The following ZFAND3 variants were observed in gnomAD, a reference collection of about 807,000 sequenced individuals.
ZFAND3 encodes the protein AN1-type zinc finger protein 3.
Under a neutral mutation model 29.6 loss-of-function variants are expected in ZFAND3, and 10 were observed. The ratio of observed to expected loss-of-function variants is 0.34; its 90% CI spans 0.21 to 0.57. The LOEUF (loss-of-function observed/expected upper bound fraction) is 0.57, where lower values mean the gene tolerates loss of function less well. Among genes scored for constraint, ZFAND3 ranks in the 20% least tolerant of loss-of-function variants. The probability of loss-of-function intolerance (pLI) is 0.86; values close to 1 mark genes in which losing one functional copy is unlikely to be tolerated. For missense variants in ZFAND3, 230 were observed against 304.5 expected, an observed-to-expected ratio of 0.76 and a Z score of 1.82; for synonymous variants, 128 against 112.6, an observed-to-expected ratio of 1.14 and a Z score of -0.87.
At chr6:38,033,819 C>T (rs1763608660) in intron 2 of ZFAND3, among the ~76,000 whole-genome samples, 1 of 152,150 alleles carries the variant, frequency 6.6e-6, no homozygotes, top group Non-Finnish European at 1.5e-5. Context: ...CAGTCAATCA[C>T]AGGGTATCTC....
At position 37,942,623 on chromosome 6, in the gene ZFAND3, A is replaced by G. The variant is rs952939162; in HGVS notation, c.112+12624A>G. Among the ~76,000 whole-genome samples the G allele has an allele frequency of 3.3e-5, 5 of 152,172 alleles. No individual in the cohort carries two copies. The East Asian group carries it at 9.6e-4, about 29-fold the overall frequency. On this transcript the variant is annotated intron_variant, in intron 2 of 5. Transcript: ENST00000287218. ...ATGAAGGTGAATGTAAGCTTCTACAATCTTGTGGGAATATTATTTTCAGAT... is the reference window on the plus strand; with the variant it reads ...ATGAAGGTGAATGTAAGCTTCTACAGTCTTGTGGGAATATTATTTTCAGAT...
At chr6:38,128,402 G>A (rs1313701612) in intron 5 of ZFAND3, among the ~76,000 whole-genome samples, 1 of 152,128 alleles carries the variant, frequency 6.6e-6, no homozygotes, top group African/African-American at 2.4e-5. Context: ...ATTCTTTAGT[G>A]GTAATTTGTG....
intron 1 of ZFAND3, among the ~76,000 whole-genome samples, chr6:37,876,620 C>T (rs1764797007): frequency 6.6e-6 from 1 of 152,140 alleles, no homozygotes; most frequent in Admixed American, 6.5e-5. Context: ...TTAATTTTAT[C>T]TCTGGTCAGT....
chr6:37,900,650 C>T (rs886445363), intron 1 of ZFAND3, among the ~76,000 whole-genome samples: 1 of 152,070 alleles, frequency 6.6e-6, no homozygotes, highest in African/African-American at 2.4e-5. Flanking sequence ...GTTATTAACT[C>T]ATTCAACAAA....
chr6:37,851,051 T>C (rs1764270801), intron 1 of ZFAND3, among the ~76,000 whole-genome samples: 1 of 151,838 alleles, frequency 6.6e-6, no homozygotes, highest in African/African-American at 2.4e-5. Flanking sequence ...CCTCTTTTTT[T>C]TTTTTTTCTT....
chr6:37,901,600 A>G (rs1299071853), intron 1 of ZFAND3, among the ~76,000 whole-genome samples: 1 of 152,182 alleles, frequency 6.6e-6, no homozygotes, highest in East Asian at 1.9e-4. Context: ...CCTGGGTGAC[A>G]GAGTGAGACC....
chr6:37,835,424 T>C (rs1375441023), intron 1 of ZFAND3, among the ~76,000 whole-genome samples: 1 of 151,742 alleles, frequency 6.6e-6, no homozygotes, highest in East Asian at 1.9e-4. Flanking sequence ...CCCAAAGTGC[T>C]GGGATTACAG....
intron 1 of ZFAND3, among the ~76,000 whole-genome samples, chr6:37,895,556 C>T (rs1765188902): frequency 7.3e-6 from 1 of 137,894 alleles, no homozygotes; most frequent in African/African-American, 2.8e-5. Context: ...CATGAACATA[C>T]GGAATACAGT....
chr6:37,880,261 A>T (rs1445927136), intron 1 of ZFAND3, among the ~76,000 whole-genome samples: 2 of 152,238 alleles, frequency 1.3e-5, no homozygotes, highest in African/African-American at 4.8e-5. Flanking sequence ...GCATGGTGTC[A>T]ACCAGTGCTT....
At chr6:37,912,719 G>T (rs906688632) in intron 1 of ZFAND3, among the ~76,000 whole-genome samples, 1 of 152,052 alleles carries the variant, frequency 6.6e-6, no homozygotes, top group Admixed American at 6.5e-5. Context: ...CATATGATAG[G>T]GATATCAGAA....
chr6:37,977,867 C>CCTTCCTTT, intron 2 of ZFAND3, among the ~76,000 whole-genome samples: 1 of 134,260 alleles, frequency 7.4e-6, no homozygotes. Flanking sequence ...TTCCTTCCTT[C>CCTTCCTTT]CTTTCCTTCT....
chr6:37,976,596 A>AAG (rs2127430573), intron 2 of ZFAND3, among the ~76,000 whole-genome samples: 1 of 151,704 alleles, frequency 6.6e-6, no homozygotes, highest in East Asian at 1.9e-4. Flanking sequence ...AAAAAAAAAA[A>AAG]AAAAAAAAAA....
intron 2 of ZFAND3, among the ~76,000 whole-genome samples, chr6:38,009,940 A>C (rs1381687300): frequency 6.6e-6 from 1 of 152,056 alleles, no homozygotes. Flanking sequence ...GGCGCAAGAG[A>C]AAAAAATGTT....
intron 5 of ZFAND3, chr6:38,142,339 G>A (rs1765974984): frequency 4.2e-6 from 2 of 471,210 alleles, no homozygotes; most frequent in Admixed American, 4.7e-5. Flanking sequence ...TCTGTGACTT[G>A]GATGAACTGA....
At chr6:38,042,709 G>A (rs1763815557) in intron 2 of ZFAND3, among the ~76,000 whole-genome samples, 1 of 152,176 alleles carries the variant, frequency 6.6e-6, no homozygotes, top group African/African-American at 2.4e-5. Flanking sequence ...AAAAACAAGA[G>A]TATCTTTTCA....
chr6:38,068,477 A>G (rs919551275), intron 3 of ZFAND3, among the ~76,000 whole-genome samples: 1 of 152,196 alleles, frequency 6.6e-6, no homozygotes, highest in East Asian at 1.9e-4. Flanking sequence ...ACCCTGTTTT[A>G]CAGAGTTCTT....
intron 1 of ZFAND3, among the ~76,000 whole-genome samples, chr6:37,832,250 G>A (rs1450637439): frequency 6.6e-6 from 1 of 152,194 alleles, no homozygotes; most frequent in Non-Finnish European, 1.5e-5. Flanking sequence ...AAGTTTAAGA[G>A]CAGCGACAGA....
chr6:38,102,098 CTCCTCCTCTTCT>C (rs1321494460), intron 4 of ZFAND3, among the ~76,000 whole-genome samples: 4 of 151,446 alleles, frequency 2.6e-5, no homozygotes, highest in Admixed American at 1.3e-4. Flanking sequence ...TTTCTTCTTC[CTCCTCCTCTTCT>C]TCCTCCTCTT....
rs550640795 is a variant in ZFAND3, at chr6:37,943,984, T to C, written c.112+13985T>C. ...CTATAACAAAGTTGCAACAACCCTT[T>C]AATTTGTAGATACTGCTTTAGGATT... On this transcript the variant is annotated intron_variant, in intron 2 of 5. Transcript: ENST00000287218. Among the ~76,000 whole-genome samples the C allele has an allele frequency of 2.8e-3, 428 of 152,338 alleles. 1 individual carries two copies. Among genetic ancestry groups the C allele is most frequent in the African/African-American group, 9.8e-3 (406 of 41,592 alleles).
Sources: gnomAD v4.1 joint callset for allele counts (sites outside exome capture counted in the v4.1 genomes callset) on GRCh38, gnomAD v4.1.1 for gene constraint, MANE v1.5 for transcripts, NCBI Gene and HGNC (gene_info 2026-07-23, HGNC 2026-07-21) for gene names.